Variants in TG observed in about 807,000 individuals in gnomAD.
TG encodes the protein thyroglobulin.
A neutral mutation model predicts 324.7 loss-of-function variants in TG; 270 were observed. That is an observed-to-expected ratio of 0.83 (90% CI 0.75 to 0.92). The LOEUF (loss-of-function observed/expected upper bound fraction) is 0.92. TG is among the 40% of genes least tolerant of loss of function. The probability of loss-of-function intolerance (pLI) is 0.00; values close to 1 mark genes in which losing one functional copy is unlikely to be tolerated. For synonymous variants in TG, 1,401 were observed against 1,327.0 expected (o/e 1.06, Z -1.21); for missense variants, 3,591 against 3,456.4 (o/e 1.04, Z -0.98).
chr8:133,096,067 C>T (rs1458878692), intron 42 of TG, 139 bp from the exon 43 acceptor site: 7 of 1,015,720 alleles, frequency 6.9e-6, no homozygotes, highest in Non-Finnish European at 1.1e-5. Context: ...TCCTGCCTGC[C>T]AGTTGTCCTG....
intron 21 of TG, 31 bp from the exon 22 acceptor site, chr8:132,923,307 A>G (rs754934270): frequency 1.2e-6 from 2 of 1,613,536 alleles, no homozygotes; most frequent in Non-Finnish European, 1.7e-6. Context: ...GAGGCCCATT[A>G]TTGACGGCTA....
Position 133,040,466 on chromosome 8 carries a change from T to C in TG, c.7239+10443T>C, listed in dbSNP as rs1029136158. 3 of 279,566 alleles carry C rather than the reference T, an allele frequency of 1.1e-5. No homozygotes were observed. The East Asian group carries it at 2.3e-4, about 22-fold the overall frequency. The allele number at this position is 279,566 out of a possible 1,614,324, so 17.3% of individuals were successfully genotyped here. A position where few individuals can be genotyped will look rare whatever the true frequency, so the allele number is the denominator to read the frequency against. On this transcript the variant is annotated intron_variant, in intron 41 of 47. Transcript: ENST00000220616. Reference sequence around the variant, plus strand: ...GTCTCTGAGCTTTCCTTTCTTCAACTGCAGAATGAAAGAAATGAAGCAACA... The same window carrying C: ...GTCTCTGAGCTTTCCTTTCTTCAACCGCAGAATGAAAGAAATGAAGCAACA...
At chr8:133,074,955 A>G in intron 41 of TG, 1 of 985,518 alleles carries the variant, frequency 1.0e-6, no homozygotes, top group East Asian at 1.1e-4. Context: ...CTCCAGAATA[A>G]ACAGGCAGCC....
intron 40 of TG, among the ~76,000 whole-genome samples, chr8:133,025,857 G>A (rs1836020755): frequency 1.3e-5 from 2 of 152,208 alleles, no homozygotes; most frequent in Admixed American, 6.5e-5. Flanking sequence ...ATCTGAGCAG[G>A]ATGGGGTCTG....
chr8:133,106,221 G>C (rs1220216220), intron 43 of TG, among the ~76,000 whole-genome samples: 2 of 152,162 alleles, frequency 1.3e-5, no homozygotes, highest in East Asian at 3.9e-4. Flanking sequence ...AGAGGAGGAA[G>C]GGCCATTCCC....
chr8:133,122,084 G>A (rs1851188262), intron 45 of TG, among the ~76,000 whole-genome samples: 1 of 151,944 alleles, frequency 6.6e-6, no homozygotes, highest in African/African-American at 2.4e-5. Context: ...CTCCATTTCT[G>A]TTAGCATATA....
chr8:133,123,072 C>T (rs1321278682), intron 45 of TG, among the ~76,000 whole-genome samples: 1 of 152,058 alleles, frequency 6.6e-6, no homozygotes, highest in Non-Finnish European at 1.5e-5. Flanking sequence ...AGCCCCAGTC[C>T]CCCTAAGCTG....
At chr8:132,979,290 A>G (rs1830542119) in intron 34 of TG, among the ~76,000 whole-genome samples, 1 of 152,194 alleles carries the variant, frequency 6.6e-6, no homozygotes, top group Non-Finnish European at 1.5e-5. Context: ...GCAGCTGTGC[A>G]TTGTCTGCAA....
intron 35 of TG, among the ~76,000 whole-genome samples, chr8:132,991,389 A>G (rs1486254155): frequency 2.6e-5 from 4 of 152,214 alleles, no homozygotes; most frequent in Non-Finnish European, 5.9e-5. Context: ...GGCGTGTTAA[A>G]GGCACACAGG....
At chr8:132,925,930 C>T (rs1297299479) in intron 22 of TG, among the ~76,000 whole-genome samples, 2 of 152,214 alleles carry the variant, frequency 1.3e-5, no homozygotes, top group Non-Finnish European at 2.9e-5. Flanking sequence ...GCTTTGACAA[C>T]TTTGATGATG....
chr8:133,123,063 G>T (rs1447151233), intron 45 of TG, among the ~76,000 whole-genome samples: 1 of 152,064 alleles, frequency 6.6e-6, no homozygotes, highest in Non-Finnish European at 1.5e-5. Context: ...GATGCCAGCA[G>T]CCCCAGTCCC....
chr8:132,928,641 TAAATACA>T (rs757337445), intron 22 of TG, among the ~76,000 whole-genome samples: 2 of 152,218 alleles, frequency 1.3e-5, no homozygotes, highest in Non-Finnish European at 2.9e-5. Flanking sequence ...CAGATTTACC[TAAATACA>T]TATGCACATG....
chr8:132,967,338 A>G (rs190907474), intron 30 of TG, among the ~76,000 whole-genome samples: 53 of 152,350 alleles, frequency 3.5e-4, no homozygotes, highest in Non-Finnish European at 6.3e-4. Flanking sequence ...AACACCCAAA[A>G]TGAATCAAAT....
In TG at chr8:132,941,365, A is replaced by G. The variant is rs933801495; in HGVS notation, c.5056A>G (p.Thr1686Ala). Reference protein sequence around the residue: ...VYLKKGQGSTTTLQKRFEPTG... With the variant: ...VYLKKGQGSTATLQKRFEPTG... ...CTTTCCCCCAGGCCAAGGATCCACC[A>G]CAACACTTCAGAAACGCTTTGAACC... The change falls in exon 26 of 48, where the codon ACA (threonine) becomes GCA (alanine). Residue 1686 changes from threonine (T) to alanine (A), a missense_variant. By Grantham distance (58) the Thr-to-Ala change is moderately conservative. Coordinates refer to ENST00000220616, the MANE Select transcript of TG (RefSeq NM_003235.5). 2.5e-6 allele frequency: 4 copies of G among 1,614,080 alleles called. No individual in the cohort carries two copies. The African/African-American group carries it at 5.3e-5, about 22-fold the overall frequency.
At chr8:132,941,083 C>G (rs544049500) in intron 25 of TG, among the ~76,000 whole-genome samples, 5 of 152,320 alleles carry the variant, frequency 3.3e-5, no homozygotes, top group African/African-American at 1.2e-4. Context: ...TGGCCATTTT[C>G]TACACATACC....
intron 23 of TG, among the ~76,000 whole-genome samples, chr8:132,930,340 A>G (rs1477243106): frequency 6.6e-6 from 1 of 152,142 alleles, no homozygotes; most frequent in East Asian, 1.9e-4. Flanking sequence ...CTCAACAGGG[A>G]TTGTCATATA....
chr8:133,097,568 A>T (rs1032741177), intron 43 of TG, among the ~76,000 whole-genome samples: 1 of 152,228 alleles, frequency 6.6e-6, no homozygotes, highest in Non-Finnish European at 1.5e-5. Context: ...CATGTAGAGG[A>T]ATGTGAAATT....
intron 35 of TG, among the ~76,000 whole-genome samples, chr8:133,008,061 A>G (rs1834179692): frequency 1.3e-5 from 2 of 152,236 alleles, no homozygotes; most frequent in African/African-American, 4.8e-5. Context: ...TTGAAAATAT[A>G]ATGGAATAAT....
chr8:132,956,204 G>A (rs752573328), intron 27 of TG, among the ~76,000 whole-genome samples: 13 of 152,310 alleles, frequency 8.5e-5, no homozygotes, highest in South Asian at 2.1e-4. Context: ...CTTCTGATGC[G>A]TGGGAAGGCA....
Sources: gnomAD v4.1 joint callset for allele counts (sites outside exome capture counted in the v4.1 genomes callset) on GRCh38, gnomAD v4.1.1 for gene constraint, MANE v1.5 for transcripts, NCBI Gene and HGNC (gene_info 2026-07-23, HGNC 2026-07-21) for gene names.